Variants in ATF6 observed in about 807,000 individuals in gnomAD.
ATF6 encodes activating transcription factor 6.
ATF6 carries 53 observed loss-of-function variants against 83.6 expected under a neutral mutation model. The ratio of observed to expected loss-of-function variants is 0.63; its 90% confidence interval spans 0.51 to 0.80. ATF6 has a LOEUF of 0.80. Ranked by LOEUF, ATF6 falls within the 30% of genes least tolerant of loss-of-function variation. ATF6 has a pLI of 0.00. For missense variants in ATF6, 744 were observed against 797.9 expected (o/e 0.93, Z 0.81); for synonymous variants, 288 against 285.8 (o/e 1.01, Z -0.08).
chr1:161,913,407 A>G (rs1688030297), intron 15 of ATF6, among the ~76,000 whole-genome samples: 1 of 152,212 alleles, frequency 6.6e-6, no homozygotes, highest in East Asian at 1.9e-4. Flanking sequence ...TTTAGTCTTT[A>G]GGGGAAAAGT....
chr1:161,834,023 A>G (rs562276620), intron 9 of ATF6, among the ~76,000 whole-genome samples: 3 of 152,232 alleles, frequency 2.0e-5, no homozygotes, highest in Non-Finnish European at 4.4e-5. Flanking sequence ...TGGGTTACCC[A>G]CAAAGGGAAG....
chr1:161,904,594 CAAAACAAAAAAACAA>C (rs1465858701), intron 14 of ATF6, among the ~76,000 whole-genome samples: 2 of 150,288 alleles, frequency 1.3e-5, no homozygotes, highest in Non-Finnish European at 3.0e-5. Context: ...TAAAACAAAA[CAAAACAAAAAAACAA>C]AAAACAAAAA....
chr1:161,855,852 G>A (rs534510881), intron 12 of ATF6, among the ~76,000 whole-genome samples: 1 of 152,334 alleles, frequency 6.6e-6, no homozygotes, highest in Non-Finnish European at 1.5e-5. Context: ...ATCAGAACTT[G>A]TTAGTGACCT....
chr1:161,792,256 A>G lies in ATF6; in HGVS notation c.617A>G (p.Gln206Arg), dbSNP rs1232414318. The stretch of plus-strand genomic sequence containing the variant: ...GTTCCAGCAAAAACCATCATTATTC[A>G]GACAGTACCAACGCTTATGCCATTG... ...SSVPAKTIII[Q>R]TVPTLMPLAK... is the part of the protein sequence containing the mutation. The change falls in exon 6 of 16, where the codon CAG (glutamine) becomes CGG (arginine). Residue 206 changes from glutamine (Q) to arginine (R), a missense_variant. Gln to Arg is a conservative substitution (Grantham distance 43). Transcript: ENST00000367942. 1.2e-6 allele frequency: 2 copies of G among 1,614,188 alleles called. No homozygotes were observed. The highest frequency in any genetic ancestry group is 2.2e-5 in the East Asian group (1 of 44,880).
chr1:161,791,460 G>A lies in ATF6; in HGVS notation c.407G>A (p.Gly136Asp), dbSNP rs542241742. Reference sequence around the variant, plus strand: ...CAGATGTCTCCCCTTTCCTTATATGGTGAAAACTCTAATAGTCTCTCTTCA... The same window carrying A: ...CAGATGTCTCCCCTTTCCTTATATGATGAAAACTCTAATAGTCTCTCTTCA... ...SSQMSPLSLY[G>D]ENSNSLSSAE... The change falls in exon 5 of 16, where the codon GGT becomes GAT. Residue 136 changes from glycine to aspartate, a missense_variant. By Grantham distance (94) the Gly-to-Asp change is moderately conservative. Transcript: ENST00000367942. The A allele has an allele frequency of 4.3e-5, 69 of 1,612,372 alleles. No homozygotes were observed. The highest frequency in any genetic ancestry group is 5.9e-5 in the Non-Finnish European group (69 of 1,179,478).
intron 9 of ATF6, among the ~76,000 whole-genome samples, chr1:161,842,348 C>T (rs1686376977): frequency 6.6e-6 from 1 of 152,188 alleles, no homozygotes; most frequent in Non-Finnish European, 1.5e-5. Flanking sequence ...TTTGATCCAG[C>T]AATTCCACTA....
At position 161,784,123 on chromosome 1, in the gene ATF6, T is replaced by G. The variant is rs199832792; in HGVS notation, c.354+27T>G. 38 of 1,543,286 alleles carry G rather than the reference T, an allele frequency of 2.5e-5. No individual in the cohort carries two copies. The East Asian group carries it at 8.6e-4, about 35-fold the overall frequency. On this transcript the variant is annotated intron_variant, in intron 4 of 15. Transcript: ENST00000367942. ...TGAGTAGCCAGTCTTTTACAATGAT[T>G]TTGGTTATAATATGCTATCTGGAAA...
At chr1:161,819,244 G>A (rs10494358) in intron 7 of ATF6, among the ~76,000 whole-genome samples, 14,261 of 152,160 alleles carry the variant, frequency 0.094, 1,244 homozygotes, top group East Asian at 0.31. Context: ...ACTGTAAGAA[G>A]TGGCCTTATA....
chr1:161,862,443 A>G (rs1417271998), intron 13 of ATF6, among the ~76,000 whole-genome samples: 1 of 152,182 alleles, frequency 6.6e-6, no homozygotes, highest in African/African-American at 2.4e-5. Flanking sequence ...TAAGAACTCT[A>G]TTAGAATCAT....
chr1:161,876,984 T>G (rs1420865429), intron 14 of ATF6, among the ~76,000 whole-genome samples: 2 of 151,994 alleles, frequency 1.3e-5, no homozygotes, highest in Admixed American at 1.3e-4. Context: ...CAAAAAGATT[T>G]AAAAATAATA....
In ATF6 at chr1:161,778,297, T is replaced by C. The variant is rs151136116; in HGVS notation, c.136T>C (p.Leu46=). The C allele has an allele frequency of 3.0e-5, 49 of 1,613,470 alleles. No homozygotes were observed. In the Middle Eastern group the frequency reaches 4.9e-4, roughly 16 times the overall value. The change falls in exon 2 of 16, where the codon TTG becomes CTG. Residue 46 remains leucine, a synonymous_variant. Coordinates refer to ENST00000367942, the MANE Select transcript of ATF6 (RefSeq NM_007348.4). ...GYFTDTDELQ[L]EAANETYENN... ...TTTCACAGACACTGATGAGCTGCAA[T>C]TGGAAGCAGCAAATGAGACGTATGT... is the stretch of plus-strand genomic sequence containing the variant.
At chr1:161,815,116 A>T (rs1016114489) in intron 7 of ATF6, among the ~76,000 whole-genome samples, 1 of 152,052 alleles carries the variant, frequency 6.6e-6, no homozygotes, top group Non-Finnish European at 1.5e-5. Flanking sequence ...TAGGTTATCA[A>T]TACTTGATCT....
At position 161,949,141 on chromosome 1, in the gene ATF6, GA is replaced by G. The variant is rs534886141; in HGVS notation, c.1805-9304del. Among the ~76,000 whole-genome samples, 224 of 152,278 alleles carry G rather than the reference GA, an allele frequency of 1.5e-3. 1 individual carries two copies. The highest frequency in any genetic ancestry group is 9.5e-3 in the South Asian group (46 of 4,824). ...TAATTCTTGCTTAGCTCAGTTTCTTGAGTTTAGCAGAGGAGATCACTGTCAC... is the reference window on the plus strand; with the variant it reads ...TAATTCTTGCTTAGCTCAGTTTCTTGGTTTAGCAGAGGAGATCACTGTCAC... On this transcript the variant is annotated intron_variant, in intron 15 of 15. Transcript: ENST00000367942.
At chr1:161,823,899 C>T (rs1685821322) in intron 9 of ATF6, among the ~76,000 whole-genome samples, 1 of 152,166 alleles carries the variant, frequency 6.6e-6, no homozygotes, top group South Asian at 2.1e-4. Context: ...TTTTGATAGG[C>T]AGCTAGGGTA....
intron 7 of ATF6, among the ~76,000 whole-genome samples, chr1:161,815,442 C>T (rs963275591): frequency 3.3e-5 from 5 of 151,384 alleles, no homozygotes; most frequent in African/African-American, 9.7e-5. Context: ...CCTCCTGCCT[C>T]GACCTACCAA....
intron 4 of ATF6, among the ~76,000 whole-genome samples, chr1:161,789,252 C>A (rs1279718001): frequency 9.9e-6 from 1 of 101,380 alleles, no homozygotes; most frequent in African/African-American, 5.0e-5. Flanking sequence ...ATTCCTTCTC[C>A]TTTTTTTTTT....
intron 14 of ATF6, among the ~76,000 whole-genome samples, chr1:161,902,206 G>A (rs966997112): frequency 6.6e-6 from 1 of 152,080 alleles, no homozygotes; most frequent in Non-Finnish European, 1.5e-5. Context: ...AAGTAAAAGT[G>A]GTATTGAAAA....
At chr1:161,812,217 A>G (rs1685482732) in intron 7 of ATF6, among the ~76,000 whole-genome samples, 1 of 152,136 alleles carries the variant, frequency 6.6e-6, no homozygotes, top group African/African-American at 2.4e-5. Context: ...AGGAACAGAC[A>G]GAGTGCTCAG....
rs1414996650 is a variant in ATF6, at chr1:161,802,079, C to G, written c.716C>G (p.Thr239Ser). 6.2e-7 allele frequency: 1 copy of G among 1,614,114 alleles called. No homozygotes were observed. Among genetic ancestry groups the G allele is most frequent in the Non-Finnish European group, 8.5e-7 (1 of 1,179,996 alleles). The change falls in exon 7 of 16, where the codon ACT becomes AGT. Residue 239 changes from threonine (T) to serine (S), a missense_variant. Coordinates refer to ENST00000367942, the MANE Select transcript of ATF6 (RefSeq NM_007348.4). Reference sequence around the variant, plus strand: ...CAGACGGTTTTGCTGTCTCAGCCTACTGTGGTACAACTTCAAGCACCTGGA... The same window carrying G: ...CAGACGGTTTTGCTGTCTCAGCCTAGTGTGGTACAACTTCAAGCACCTGGA... Reference protein sequence around the residue: ...KGQTVLLSQPTVVQLQAPGVL... With the variant: ...KGQTVLLSQPSVVQLQAPGVL...
Sources: gnomAD v4.1 joint callset for allele counts (sites outside exome capture counted in the v4.1 genomes callset) on GRCh38, gnomAD v4.1.1 for gene constraint, MANE v1.5 for transcripts, NCBI Gene and HGNC (gene_info 2026-07-23, HGNC 2026-07-21) for gene names.